The following KCNK2 variants were observed in gnomAD, a reference collection of about 807,000 sequenced individuals.
KCNK2 encodes potassium two pore domain channel subfamily K member 2, also known as potassium channel subfamily K member 2.
A neutral mutation model predicts 40.5 loss-of-function variants in KCNK2; 21 were observed. That is an observed-to-expected ratio of 0.52 (90% CI 0.37 to 0.75). KCNK2 has a LOEUF of 0.75. Ranked by LOEUF, KCNK2 falls within the 30% of genes least tolerant of loss-of-function variation. The pLI, the probability that KCNK2 is intolerant of heterozygous loss-of-function variation, is 0.00. For synonymous variants in KCNK2, 191 were observed against 202.2 expected, an observed-to-expected ratio of 0.94 and a Z score of 0.47; for missense variants, 399 against 531.6, an observed-to-expected ratio of 0.75 and a Z score of 2.45.
intron 2 of KCNK2, among the ~76,000 whole-genome samples, chr1:215,103,014 A>T (rs1660289613): frequency 6.6e-6 from 1 of 152,002 alleles, no homozygotes; most frequent in South Asian, 2.1e-4. Context: ...AGAAAGATTA[A>T]TTGGAGAAAT....
At chr1:215,073,260 G>A (rs1369298492) in intron 1 of KCNK2, among the ~76,000 whole-genome samples, 1 of 152,130 alleles carries the variant, frequency 6.6e-6, no homozygotes, top group Non-Finnish European at 1.5e-5. Flanking sequence ...CTACTCCGCA[G>A]ACCACATGTT....
At chr1:215,209,109 G>A (rs1400358267) in intron 6 of KCNK2, among the ~76,000 whole-genome samples, 2 of 150,282 alleles carry the variant, frequency 1.3e-5, no homozygotes, top group Admixed American at 6.8e-5. Flanking sequence ...CTACAGGTGT[G>A]AGCCACTGCG....
chr1:215,012,868 T>G (rs974671500), intron 1 of KCNK2, among the ~76,000 whole-genome samples: 1 of 152,028 alleles, frequency 6.6e-6, no homozygotes, highest in African/African-American at 2.4e-5. Context: ...AGAAAAAGAT[T>G]TTAGTTTTGA....
At chr1:215,070,473 T>C (rs1259061484) in intron 1 of KCNK2, among the ~76,000 whole-genome samples, 1 of 150,070 alleles carries the variant, frequency 6.7e-6, no homozygotes, top group Non-Finnish European at 1.5e-5. Flanking sequence ...TGACTTATAG[T>C]TCCACATGGC....
Position 215,143,140 on chromosome 1 carries a change from C to CT in KCNK2, c.475+18398dup, listed in dbSNP as rs1379906272. Among the ~76,000 whole-genome samples the CT allele has an allele frequency of 4.6e-5, 7 of 152,046 alleles. No individual in the cohort carries two copies. The East Asian group carries it at 7.7e-4, about 17-fold the overall frequency. On this transcript the variant is annotated intron_variant, in intron 3 of 6. Transcript: ENST00000444842. Reference sequence around the variant, plus strand: ...TCTCTGCCTCCCAGGCCCTAGAATCCTTTTTTTTAAATTGAATTTCTAACA... The same window carrying CT: ...TCTCTGCCTCCCAGGCCCTAGAATCCTTTTTTTTTAAATTGAATTTCTAACA...
At chr1:215,231,530 C>T (rs1666667306) in intron 6 of KCNK2, among the ~76,000 whole-genome samples, 2 of 151,882 alleles carry the variant, frequency 1.3e-5, no homozygotes, top group Non-Finnish European at 2.9e-5. Context: ...CCGTGGTTTC[C>T]TCCACTTCAC....
chr1:215,005,932 C>G lies in KCNK2; in HGVS notation c.11C>G (p.Pro4Arg), dbSNP rs755245091. 75 of 1,613,070 alleles carry G rather than the reference C, an allele frequency of 4.6e-5. 1 individual carries two copies. The South Asian group carries it at 7.5e-4, about 16-fold the overall frequency. ...TGAAAACATCACCAAATGATGAACC[C>G]ACGAGCAAAAAGGGATTTCTACTGT... The change falls in exon 1 of 7, where the codon CCA (proline) becomes CGA (arginine). Residue 4 changes from proline to arginine, a missense_variant. Coordinates refer to the KCNK2 transcript ENST00000391895.
At chr1:215,144,329 G>A (rs1662319943) in intron 3 of KCNK2, among the ~76,000 whole-genome samples, 1 of 152,134 alleles carries the variant, frequency 6.6e-6, no homozygotes, top group Non-Finnish European at 1.5e-5. Context: ...TTTTAGTGAT[G>A]TAGCCTTTCA....
intron 1 of KCNK2, among the ~76,000 whole-genome samples, chr1:215,019,376 A>G (rs1656706235): frequency 6.6e-6 from 1 of 152,228 alleles, no homozygotes; most frequent in Admixed American, 6.5e-5. Context: ...ACCTGTTTGT[A>G]TGTAAAAAGG....
chr1:215,130,460 A>C (rs2102588350), intron 3 of KCNK2, among the ~76,000 whole-genome samples: 1 of 152,294 alleles, frequency 6.6e-6, no homozygotes, highest in African/African-American at 2.4e-5. Context: ...TAGGGAGTTA[A>C]CCAATCTGAG....
intron 5 of KCNK2, among the ~76,000 whole-genome samples, chr1:215,175,788 A>T (rs1000330609): frequency 2.6e-5 from 4 of 152,034 alleles, no homozygotes; most frequent in African/African-American, 9.7e-5. Context: ...AGTTAGGATA[A>T]TGGTCTCCAG....
rs1387165478 is a variant in KCNK2, at chr1:215,184,260, A to T, written c.824-10693A>T. On this transcript the variant is annotated intron_variant, in intron 5 of 6. Coordinates refer to ENST00000444842, the MANE Select transcript of KCNK2 (RefSeq NM_001017425.3). ...CAAAGTGTATAACTGGCTTAAGTAG[A>T]AATGGAAAGTTTGTTATTACAGGAG... Among the ~76,000 whole-genome samples the T allele has an allele frequency of 3.3e-5, 5 of 152,194 alleles. No homozygotes were observed. In the South Asian group the frequency reaches 1.0e-3, roughly 32 times the overall value.
intron 5 of KCNK2, among the ~76,000 whole-genome samples, chr1:215,194,310 C>T (rs1235339212): frequency 6.6e-5 from 10 of 151,638 alleles, no homozygotes; most frequent in African/African-American, 2.4e-4. Flanking sequence ...TTCTTGAGAG[C>T]TACGGTTTTA....
intron 5 of KCNK2, among the ~76,000 whole-genome samples, chr1:215,180,947 A>G (rs1032411559): frequency 1.3e-5 from 2 of 152,184 alleles, no homozygotes; most frequent in East Asian, 1.9e-4. Flanking sequence ...TCCTTCAAAT[A>G]TGTTTTCCAG....
At chr1:215,008,262 G>C (rs1656256398) in intron 1 of KCNK2, among the ~76,000 whole-genome samples, 1 of 152,002 alleles carries the variant, frequency 6.6e-6, no homozygotes. Context: ...TCAGGATGTA[G>C]TTATTGATGA....
intron 1 of KCNK2, among the ~76,000 whole-genome samples, chr1:215,061,997 AATT>A (rs1275106471): frequency 6.6e-6 from 1 of 152,186 alleles, no homozygotes; most frequent in Non-Finnish European, 1.5e-5. Context: ...AAATTCTAAA[AATT>A]ATTAATAAAT....
chr1:215,009,792 T>A (rs1571843324), intron 1 of KCNK2, among the ~76,000 whole-genome samples: 1 of 152,112 alleles, frequency 6.6e-6, no homozygotes, highest in Non-Finnish European at 1.5e-5. Flanking sequence ...CAGACCCAAT[T>A]AGGTGTGCAG....
At chr1:215,076,403 A>T (rs558713775) in intron 1 of KCNK2, among the ~76,000 whole-genome samples, 7 of 152,186 alleles carry the variant, frequency 4.6e-5, no homozygotes, top group Non-Finnish European at 1.0e-4. Context: ...GGTCTCTCAA[A>T]TGGCTGAAAT....
intron 1 of KCNK2, among the ~76,000 whole-genome samples, chr1:215,038,639 A>G (rs1169322872): frequency 6.6e-6 from 1 of 152,118 alleles, no homozygotes; most frequent in Non-Finnish European, 1.5e-5. Context: ...ACATAAAAAC[A>G]GAACCAATGG....
Sources: gnomAD v4.1 joint callset for allele counts (sites outside exome capture counted in the v4.1 genomes callset) on GRCh38, gnomAD v4.1.1 for gene constraint, MANE v1.5 for transcripts, NCBI Gene and HGNC (gene_info 2026-07-23, HGNC 2026-07-21) for gene names.